Variants in FGF2 observed in about 807,000 individuals in gnomAD.
FGF2 encodes fibroblast growth factor 2, also known as basic fibroblast growth factor bFGF.
In FGF2, 13 loss-of-function variants were observed where a neutral mutation model predicts 15.9. The ratio of observed to expected loss-of-function variants is 0.82; its 90% CI spans 0.53 to 1.30. The LOEUF (loss-of-function observed/expected upper bound fraction) is 1.30, where lower values mean the gene tolerates loss of function less well. Ranked by LOEUF, FGF2 falls within the 50% of genes most tolerant of loss-of-function variation. The pLI, the probability that FGF2 is intolerant of heterozygous loss-of-function variation, is 0.00. For missense variants in FGF2, 163 were observed against 196.9 expected (o/e 0.83, Z 1.03); for synonymous variants, 90 against 78.4 (o/e 1.15, Z -0.78).
At chr4:122,859,597 A>G (rs1005019859) in intron 1 of FGF2, among the ~76,000 whole-genome samples, 1 of 152,170 alleles carries the variant, frequency 6.6e-6, no homozygotes, top group Non-Finnish European at 1.5e-5. Flanking sequence ...GTGCAAAGCC[A>G]ACATATTTGA....
At chr4:122,857,968 C>T (rs995289702) in intron 1 of FGF2, among the ~76,000 whole-genome samples, 12 of 152,164 alleles carry the variant, frequency 7.9e-5, no homozygotes, top group Non-Finnish European at 1.6e-4. Context: ...ATTTAATGGA[C>T]TCGTAAAGCC....
intron 1 of FGF2, among the ~76,000 whole-genome samples, chr4:122,849,454 G>A (rs1352568466): frequency 1.3e-5 from 2 of 152,156 alleles, no homozygotes; most frequent in Non-Finnish European, 2.9e-5. Context: ...CCTGTCAGGG[G>A]GTGGGGGGCT....
chr4:122,874,689 T>C (rs1276141013), intron 1 of FGF2, among the ~76,000 whole-genome samples: 1 of 152,140 alleles, frequency 6.6e-6, no homozygotes, highest in African/African-American at 2.4e-5. Context: ...CCAGATATTA[T>C]GTTTCATTTT....
chr4:122,892,093 C>A, intron 2 of FGF2, 118 bp from the exon 3 acceptor site: 1 of 913,202 alleles, frequency 1.1e-6, no homozygotes, highest in Non-Finnish European at 1.7e-6. Context: ...CCTGCTGAAC[C>A]CAACATCACT....
chr4:122,879,792 C>T (rs1292325302), intron 2 of FGF2, among the ~76,000 whole-genome samples: 1 of 152,128 alleles, frequency 6.6e-6, no homozygotes, highest in Non-Finnish European at 1.5e-5. Context: ...TTTATAAAAC[C>T]ATCAGATCTT....
intron 1 of FGF2, 97 bp from the exon 2 acceptor site, chr4:122,876,224 G>A: frequency 2.6e-6 from 2 of 781,966 alleles, no homozygotes; most frequent in South Asian, 2.8e-5. Context: ...TGGATTAGTT[G>A]TTGCTTAGGT....
chr4:122,827,464 C>CGT lies in FGF2; in HGVS notation c.178+116_178+117dup. ...GATCTTCACTGCGACCCTAGCGCTC[C>CGT]GTGTGGTTTCTGGCCGCGCGGCCCT... On this transcript the variant is annotated intron_variant, in intron 1 of 2. Transcript: ENST00000644866. The surrounding 1 kb of genome is among the most constrained non-coding windows in gnomAD (Gnocchi z 4.2). The CGT allele has an allele frequency of 7.9e-7, 1 of 1,258,428 alleles. No homozygotes were observed. The highest frequency in any genetic ancestry group is 1.1e-6 in the Non-Finnish European group (1 of 882,762). The allele number at this position is 1,258,428 out of a possible 1,614,324, so 78.0% of individuals were successfully genotyped here.
chr4:122,889,519 G>A (rs1474216963), intron 2 of FGF2, among the ~76,000 whole-genome samples: 20 of 152,076 alleles, frequency 1.3e-4, no homozygotes, highest in Non-Finnish European at 5.9e-5. Context: ...GGAGACAATT[G>A]AAAATTGTAC....
chr4:122,869,901 C>T (rs1726694878), intron 1 of FGF2, among the ~76,000 whole-genome samples: 1 of 152,180 alleles, frequency 6.6e-6, no homozygotes, highest in African/African-American at 2.4e-5. Flanking sequence ...GAGAGGCATC[C>T]TTGCCTTGTG....
intron 1 of FGF2, among the ~76,000 whole-genome samples, chr4:122,856,135 TA>T (rs1726337050): frequency 6.6e-6 from 1 of 152,224 alleles, no homozygotes; most frequent in Admixed American, 6.5e-5. Flanking sequence ...TTCTCTAATA[TA>T]ATTATTAGAA....
intron 1 of FGF2, among the ~76,000 whole-genome samples, chr4:122,866,374 A>AT (rs910803631): frequency 1.1e-4 from 16 of 145,268 alleles, no homozygotes; most frequent in Non-Finnish European, 1.7e-4. Flanking sequence ...TCTCAAAAAA[A>AT]AAAAAAATAA....
intron 1 of FGF2, among the ~76,000 whole-genome samples, chr4:122,851,978 A>G (rs962604876): frequency 5.3e-5 from 8 of 152,224 alleles, no homozygotes; most frequent in African/African-American, 1.9e-4. Context: ...TAACATGATA[A>G]TATAGGCAGT....
intron 1 of FGF2, among the ~76,000 whole-genome samples, chr4:122,831,206 A>T (rs1725759431): frequency 6.6e-6 from 1 of 152,038 alleles, no homozygotes; most frequent in Admixed American, 6.6e-5. Flanking sequence ...GCTTCTTACC[A>T]CCTGGTCCCT....
At chr4:122,864,823 CTTA>C (rs1160991919) in intron 1 of FGF2, among the ~76,000 whole-genome samples, 3 of 152,052 alleles carry the variant, frequency 2.0e-5, no homozygotes, top group Non-Finnish European at 4.4e-5. Flanking sequence ...CATGAATGTG[CTTA>C]TTTTCAGTTG....
intron 1 of FGF2, among the ~76,000 whole-genome samples, chr4:122,869,279 A>G (rs1726673796): frequency 6.6e-6 from 1 of 152,154 alleles, no homozygotes; most frequent in Non-Finnish European, 1.5e-5. Context: ...TGATGTCTCT[A>G]GCTTTGTTCT....
chr4:122,827,411 C>T lies in FGF2; in HGVS notation c.178+59C>T, dbSNP rs1247120143. The T allele has an allele frequency of 4.5e-5, 71 of 1,580,484 alleles. 3 individuals are homozygous for T. The South Asian group carries it at 7.2e-4, about 16-fold the overall frequency. On this transcript the variant is annotated intron_variant, in intron 1 of 2. Transcript: ENST00000644866. The surrounding 1 kb of genome is among the most constrained non-coding windows in gnomAD (Gnocchi z 4.2). The stretch of plus-strand genomic sequence containing the variant: ...CATTTCGTGGGTTCTCGCCCGCTCT[C>T]TCCCCTCCAGCCTGCACCCTCCTCC...
Position 122,827,003 on chromosome 4 carries a change from C to A in FGF2, c.-172C>A, listed in dbSNP as rs1725648671. On this transcript the variant is annotated 5_prime_UTR_variant, in exon 1 of 3. Transcript: ENST00000644866. The surrounding 1 kb of genome is among the most constrained non-coding windows in gnomAD (Gnocchi z 4.2). ...GGCGGACAGAAGAGCGGCCGAGCGGCTCGAGGCTGGGGGACCGCGGGCGCG... is the reference window on the plus strand; with the variant it reads ...GGCGGACAGAAGAGCGGCCGAGCGGATCGAGGCTGGGGGACCGCGGGCGCG... 2 of 1,231,166 alleles carry A rather than the reference C, an allele frequency of 1.6e-6. No homozygotes were observed. Among genetic ancestry groups the A allele is most frequent in the Non-Finnish European group, 2.0e-6 (2 of 987,576 alleles). The allele number at this position is 1,231,166 out of a possible 1,614,324, so 76.3% of individuals were successfully genotyped here.
At chr4:122,859,335 G>C (rs1271968499) in intron 1 of FGF2, among the ~76,000 whole-genome samples, 4 of 152,080 alleles carry the variant, frequency 2.6e-5, no homozygotes, top group African/African-American at 9.7e-5. Flanking sequence ...AATAGATTGA[G>C]AAATTATATA....
chr4:122,871,089 T>G (rs1726721313), intron 1 of FGF2, among the ~76,000 whole-genome samples: 1 of 152,128 alleles, frequency 6.6e-6, no homozygotes, highest in South Asian at 2.1e-4. Context: ...TACCCAGGAG[T>G]CATTCAGGAG....
Sources: allele counts gnomAD v4.1 joint callset (sites outside exome capture counted in the v4.1 genomes callset), GRCh38; gene constraint gnomAD v4.1.1; non-coding constraint Gnocchi (gnomAD v3.1); transcripts MANE v1.5; gene names NCBI Gene and HGNC (gene_info 2026-07-23, HGNC 2026-07-21).